Variants in TRIO observed in about 807,000 individuals in gnomAD.
The protein encoded by TRIO is trio Rho guanine nucleotide exchange factor, also known as triple functional domain protein.
TRIO carries 58 observed loss-of-function variants against 351.9 expected under a neutral mutation model. The ratio of observed to expected loss-of-function variants is 0.16; its 90% confidence interval spans 0.13 to 0.21. The LOEUF (loss-of-function observed/expected upper bound fraction) is 0.21, where lower values mean the gene tolerates loss of function less well. Among genes scored for constraint, TRIO ranks in the 10% least tolerant of loss-of-function variants. The probability of loss-of-function intolerance (pLI) is 1.00; values close to 1 mark genes in which losing one functional copy is unlikely to be tolerated. For synonymous variants in TRIO, 1,758 were observed against 1,595.7 expected, an observed-to-expected ratio of 1.10 and a Z score of -2.42; for missense variants, 3,201 against 4,027.8, an observed-to-expected ratio of 0.79 and a Z score of 5.56.
intron 21 of TRIO, among the ~76,000 whole-genome samples, chr5:14,384,907 T>C (rs1365420958): frequency 6.6e-6 from 1 of 151,978 alleles, no homozygotes; most frequent in Non-Finnish European, 1.5e-5. Context: ...AAAGAACTTT[T>C]ACAAATCAAT....
chr5:14,271,296 T>G (rs1181627429), intron 2 of TRIO, among the ~76,000 whole-genome samples: 2 of 152,224 alleles, frequency 1.3e-5, no homozygotes, highest in African/African-American at 2.4e-5. Context: ...CTGCCTCTGT[T>G]GCCTTGTCTT....
chr5:14,290,395 A>T (rs1236572498), intron 4 of TRIO, among the ~76,000 whole-genome samples: 6 of 152,174 alleles, frequency 3.9e-5, no homozygotes, highest in Non-Finnish European at 7.3e-5. Flanking sequence ...TCCTAGTTTA[A>T]TGTGTCTGTT....
intron 18 of TRIO, among the ~76,000 whole-genome samples, chr5:14,371,972 T>C (rs1579457477): frequency 6.6e-6 from 1 of 152,154 alleles, no homozygotes; most frequent in Non-Finnish European, 1.5e-5. Context: ...TGGTTTTAAT[T>C]AAAATTCAAA....
At chr5:14,226,202 T>C (rs1793013073) in intron 1 of TRIO, among the ~76,000 whole-genome samples, 1 of 152,192 alleles carries the variant, frequency 6.6e-6, no homozygotes, top group African/African-American at 2.4e-5. Context: ...GCATGGAAGA[T>C]TCCAGTCCTC....
rs183968955 is a variant in TRIO at position 14,509,461 on chromosome 5, G to A, written c.*1039G>A. The A allele has an allele frequency of 3.3e-3, 1,532 of 463,840 alleles. 5 individuals carry two copies. Among genetic ancestry groups the A allele is most frequent in the Non-Finnish European group, 4.4e-3 (1,022 of 230,752 alleles). 28.7% of individuals were successfully genotyped at this position (463,840 alleles called of 1,614,324 possible). Reference sequence around the variant, plus strand: ...TTCAAAGAGACTTTTCGTGAAATTTGTTGGTTTTGAGGACTGTAAAAGTGA... The same window carrying A: ...TTCAAAGAGACTTTTCGTGAAATTTATTGGTTTTGAGGACTGTAAAAGTGA... On this transcript the variant is annotated 3_prime_UTR_variant, in exon 57 of 57. Transcript: ENST00000344204.
chr5:14,487,524 G>A lies in TRIO; in HGVS notation c.6896G>A (p.Ser2299Asn). 9.5e-7 allele frequency: 1 copy of A among 1,047,958 alleles called. No individual in the cohort carries two copies. 64.9% of individuals were successfully genotyped at this position (1,047,958 alleles called of 1,614,324 possible). A position where few individuals can be genotyped will look rare whatever the true frequency, so the allele number is the denominator to read the frequency against. ...AGCGGGGGCGGCGGCGGCGGCGGCAGCGGGGGCAGCGGCGGGGGTGGGGGC... is the reference window on the plus strand; with the variant it reads ...AGCGGGGGCGGCGGCGGCGGCGGCAACGGGGGCAGCGGCGGGGGTGGGGGC... ...NHSGGGGGGG[S>N]GGSGGGGGSG... Residue 2299 changes from serine (S) to asparagine (N), a missense_variant, in exon 48 of 57, where the codon AGC (serine) becomes AAC (asparagine). Physicochemically the swap from Ser to Asn is conservative, Grantham distance 46 (BLOSUM62 1). This residue lies in a region of TRIO where 1,089 missense variants were observed against 954.9 expected (regional missense o/e 1.14). Coordinates refer to ENST00000344204, the MANE Select transcript of TRIO (RefSeq NM_007118.4).
chr5:14,305,229 C>T (rs889029097), intron 8 of TRIO, among the ~76,000 whole-genome samples: 5 of 152,238 alleles, frequency 3.3e-5, no homozygotes, highest in African/African-American at 4.8e-5. Context: ...TTAGCCCAGG[C>T]AGGCAGGCTG....
intron 49 of TRIO, among the ~76,000 whole-genome samples, chr5:14,493,131 C>A (rs1260049234): frequency 6.6e-6 from 1 of 152,072 alleles, no homozygotes; most frequent in African/African-American, 2.4e-5. Flanking sequence ...GTTTAAGAAA[C>A]CTAAGGGGAA....
intron 1 of TRIO, among the ~76,000 whole-genome samples, chr5:14,207,240 G>A (rs996099427): frequency 6.7e-6 from 1 of 148,238 alleles, no homozygotes; most frequent in African/African-American, 2.5e-5. Context: ...GACCAGCCTG[G>A]GCAACATAGC....
At chr5:14,210,508 C>T (rs571715409) in intron 1 of TRIO, among the ~76,000 whole-genome samples, 14 of 152,312 alleles carry the variant, frequency 9.2e-5, no homozygotes, top group African/African-American at 2.6e-4. Context: ...TTAGAGGTCT[C>T]TCTTTTCCAG....
intron 34 of TRIO, among the ~76,000 whole-genome samples, chr5:14,454,622 A>AT (rs776667398): frequency 2.6e-5 from 4 of 152,196 alleles, no homozygotes; most frequent in Non-Finnish European, 5.9e-5. Context: ...GTGTATACTC[A>AT]TTAAGCTCCA....
In TRIO at chr5:14,405,971, A is replaced by G. The variant is rs1748677783; in HGVS notation, c.4840A>G (p.Thr1614Ala). The G allele has an allele frequency of 4.3e-6, 7 of 1,613,600 alleles. No individual in the cohort carries two copies. The highest frequency in any genetic ancestry group is 5.9e-6 in the Non-Finnish European group (7 of 1,179,914). ...PIHIPKTAPA[T>A]RQKGRRDGED... ...TCACATCCCTAAGACCGCTCCCGCC[A>G]CAAGACAGAAGGGAAGGAGGTGCGT... Residue 1614 changes from threonine (T) to alanine (A), a missense_variant, in exon 32 of 57, where the codon ACA becomes GCA. Around this residue, in one of 19 missense-constraint regions of TRIO, gnomAD observed 136 missense variants for 229.5 expected, o/e 0.59. Transcript: ENST00000344204.
At chr5:14,454,651 TGCTGGCA>T (rs934473371) in intron 34 of TRIO, among the ~76,000 whole-genome samples, 4 of 152,224 alleles carry the variant, frequency 2.6e-5, no homozygotes, top group African/African-American at 9.6e-5. Flanking sequence ...CCACGCTGCC[TGCTGGCA>T]GCTGGGTATG....
At chr5:14,337,568 T>C (rs934471525) in intron 11 of TRIO, among the ~76,000 whole-genome samples, 2 of 152,036 alleles carry the variant, frequency 1.3e-5, no homozygotes, top group African/African-American at 4.8e-5. Context: ...CATGGAAGCT[T>C]GTGGTCATAG....
intron 7 of TRIO, among the ~76,000 whole-genome samples, chr5:14,300,700 A>G (rs567258270): frequency 2.0e-5 from 3 of 152,244 alleles, no homozygotes; most frequent in African/African-American, 7.2e-5. Flanking sequence ...CTGTAGTATT[A>G]TTGTCCTGAT....
At chr5:14,156,839 G>C (rs552041192) in intron 1 of TRIO, among the ~76,000 whole-genome samples, 1 of 152,192 alleles carries the variant, frequency 6.6e-6, no homozygotes, top group African/African-American at 2.4e-5. Flanking sequence ...GTTCCCCAGG[G>C]GCATGTTTAA....
chr5:14,229,644 C>G (rs1793281624), intron 1 of TRIO, among the ~76,000 whole-genome samples: 1 of 152,214 alleles, frequency 6.6e-6, no homozygotes, highest in African/African-American at 2.4e-5. Flanking sequence ...GGTGGTTCTT[C>G]TCTTTGGTGA....
chr5:14,219,331 C>T (rs996673699), intron 1 of TRIO, among the ~76,000 whole-genome samples: 5 of 152,112 alleles, frequency 3.3e-5, no homozygotes, highest in African/African-American at 1.2e-4. Context: ...CATTTAGATC[C>T]TTGCCCTGTA....
At chr5:14,317,032 C>T (rs1265691331) in intron 9 of TRIO, among the ~76,000 whole-genome samples, 1 of 152,132 alleles carries the variant, frequency 6.6e-6, no homozygotes, top group Non-Finnish European at 1.5e-5. Flanking sequence ...GACAATAATG[C>T]TGGTGTGCTC....
Sources: allele counts gnomAD v4.1 joint callset (sites outside exome capture counted in the v4.1 genomes callset), GRCh38; gene constraint gnomAD v4.1.1; regional missense constraint gnomAD v4.1.1; transcripts MANE v1.5; gene names NCBI Gene and HGNC (gene_info 2026-07-23, HGNC 2026-07-21).